GLB1L2: variants seen among roughly 807,000 people sequenced by gnomAD.
The protein encoded by GLB1L2 is beta-galactosidase-1-like protein 2.
A neutral mutation model predicts 84.1 loss-of-function variants in GLB1L2; 68 were observed. The ratio of observed to expected loss-of-function variants is 0.81; its 90% CI spans 0.67 to 0.99. The LOEUF (loss-of-function observed/expected upper bound fraction) is 0.99, where lower values mean the gene tolerates loss of function less well. Ranked by LOEUF, GLB1L2 falls within the 50% of genes least tolerant of loss-of-function variation. The probability of loss-of-function intolerance (pLI) is 0.00; values close to 1 mark genes in which losing one functional copy is unlikely to be tolerated. For synonymous variants in GLB1L2, 290 were observed against 318.0 expected (o/e 0.91, Z 0.94); for missense variants, 762 against 805.6 (o/e 0.95, Z 0.66).
intron 3 of GLB1L2, 36 bp downstream of exon 3, chr11:134,344,491 G>C (rs1297199565): frequency 6.2e-7 from 1 of 1,605,252 alleles, no homozygotes; most frequent in Non-Finnish European, 8.5e-7. Flanking sequence ...ACTGGCCAGG[G>C]GCAGGGCACA....
At position 134,338,732 on chromosome 11, in the gene GLB1L2, T is replaced by C. The variant is rs575318717; in HGVS notation, c.87-4022T>C. Among the ~76,000 whole-genome samples the C allele has an allele frequency of 6.6e-6, 1 of 152,216 alleles. No individual in the cohort carries two copies. The highest frequency in any genetic ancestry group is 2.4e-5 in the African/African-American group (1 of 41,462). On this transcript the variant is annotated intron_variant, in intron 1 of 18. Coordinates refer to ENST00000535456, the MANE Select transcript of GLB1L2 (RefSeq NM_001370461.1). The surrounding 1 kb of genome is among the most constrained non-coding windows in gnomAD (Gnocchi z 6.2). ...CAGCTTGCCCAGCCTTCAGCACGAA[T>C]AGTGCATGCCCCTTTTCCACTTGCC... is the stretch of plus-strand genomic sequence containing the variant.
chr11:134,349,010 A>G (rs1943589288), intron 5 of GLB1L2, among the ~76,000 whole-genome samples: 1 of 152,176 alleles, frequency 6.6e-6, no homozygotes, highest in Admixed American at 6.5e-5. Context: ...TTAGGATTTC[A>G]ACATGTAAAT....
chr11:134,335,212 C>T (rs975505418), intron 1 of GLB1L2, among the ~76,000 whole-genome samples: 7 of 142,868 alleles, frequency 4.9e-5, no homozygotes, highest in African/African-American at 1.9e-4. Flanking sequence ...AGGTGGCTAA[C>T]TTAGCAATGC....
intron 6 of GLB1L2, among the ~76,000 whole-genome samples, chr11:134,358,339 T>A (rs1043407698): frequency 2.0e-5 from 3 of 152,240 alleles, no homozygotes; most frequent in Non-Finnish European, 4.4e-5. Flanking sequence ...GGCGCGTCTC[T>A]ACTGTGAAGA....
rs1483220759 is a variant in GLB1L2 at position 134,373,942 on chromosome 11, G to T, written c.1595+134G>T. 5.2e-6 allele frequency: 4 copies of T among 773,094 alleles called. No individual in the cohort carries two copies. In the Admixed American group the frequency reaches 9.5e-5, roughly 18 times the overall value. 47.9% of individuals were successfully genotyped at this position (773,094 alleles called of 1,614,324 possible). A position where few individuals can be genotyped will look rare whatever the true frequency, so the allele number is the denominator to read the frequency against. On this transcript the variant is annotated intron_variant, in intron 16 of 18. Coordinates refer to ENST00000535456, the MANE Select transcript of GLB1L2 (RefSeq NM_001370461.1). ...CCTCCAGGGGCCAGATCGGCTGGCCGAGGTGAGGGGTGGCACCCGCACTAG... is the reference window on the plus strand; with the variant it reads ...CCTCCAGGGGCCAGATCGGCTGGCCTAGGTGAGGGGTGGCACCCGCACTAG...
At position 134,339,220 on chromosome 11, in the gene GLB1L2, C is replaced by T. The variant is rs762387990; in HGVS notation, c.87-3534C>T. Among the ~76,000 whole-genome samples the T allele has an allele frequency of 1.3e-5, 2 of 152,138 alleles. No homozygotes were observed. The highest frequency in any genetic ancestry group is 2.9e-5 in the Non-Finnish European group (2 of 68,032). On this transcript the variant is annotated intron_variant, in intron 1 of 18. Coordinates refer to ENST00000535456, the MANE Select transcript of GLB1L2 (RefSeq NM_001370461.1). This position sits in a 1 kb window ranked among gnomAD's most constrained non-coding sequence, Gnocchi z 5.7. The stretch of plus-strand genomic sequence containing the variant: ...AGTAAAGTCTTGCTGACCTTTAAAC[C>T]AACCAACTCCAACCACACTGTTGAT...
At chr11:134,373,903 C>T in intron 16 of GLB1L2, 95 bp downstream of exon 16, 1 of 964,188 alleles carries the variant, frequency 1.0e-6, no homozygotes, top group South Asian at 1.5e-5. Context: ...CTGGCCCGCA[C>T]CCAGGTGTGA....
At chr11:134,356,447 A>T in intron 6 of GLB1L2, 54 bp downstream of exon 6, 1 of 1,295,308 alleles carries the variant, frequency 7.7e-7, no homozygotes, top group South Asian at 1.2e-5. Context: ...AGTGTGCTAT[A>T]GGCTGTGGTG....
At chr11:134,369,524 G>A (rs1943914562) in intron 10 of GLB1L2, among the ~76,000 whole-genome samples, 1 of 151,790 alleles carries the variant, frequency 6.6e-6, no homozygotes. Flanking sequence ...CAAAGTGCTG[G>A]GATTACAGGT....
chr11:134,370,277 G>C lies in GLB1L2; in HGVS notation c.1109-16G>C, dbSNP rs1943930745. 2 of 1,610,020 alleles carry C rather than the reference G, an allele frequency of 1.2e-6. No individual in the cohort carries two copies. Among genetic ancestry groups the C allele is most frequent in the Non-Finnish European group, 1.7e-6 (2 of 1,176,334 alleles). On this transcript the variant is annotated splice_polypyrimidine_tract_variant and intron_variant, in intron 11 of 18. Transcript: ENST00000535456. The surrounding 1 kb of genome is among the most constrained non-coding windows in gnomAD (Gnocchi z 4.7). The stretch of plus-strand genomic sequence containing the variant: ...ATTTGGGTCCGTTGGGGGTGACCCT[G>C]TTTTCTGTGTTGCAGGCATCCCTCT...
Position 134,373,796 on chromosome 11 carries a change from G to C in GLB1L2, c.1583G>C (p.Ser528Thr). 3 of 1,607,880 alleles carry C rather than the reference G, an allele frequency of 1.9e-6. No homozygotes were observed. Among genetic ancestry groups the C allele is most frequent in the Non-Finnish European group, 2.6e-6 (3 of 1,174,428 alleles). The change falls in exon 16 of 19, where the codon AGC (serine) becomes ACC (threonine). Residue 528 changes from serine to threonine, a missense_variant. Physicochemically the swap from Ser to Thr is moderately conservative, Grantham distance 58. Around this residue, in one of 3 missense-constraint regions of GLB1L2, gnomAD observed 603 missense variants for 611.7 expected, o/e 0.99. Coordinates refer to ENST00000535456, the MANE Select transcript of GLB1L2 (RefSeq NM_001370461.1). Reference sequence around the variant, plus strand: ...ATCTATAGCCTGGATATGAAGAAGAGCTTCTTTCAGAGGTGGGTCCCTGCC... The same window carrying C: ...ATCTATAGCCTGGATATGAAGAAGACCTTCTTTCAGAGGTGGGTCCCTGCC... Reference protein sequence around the residue: ...FRIYSLDMKKSFFQRFGLDKW... With the variant: ...FRIYSLDMKKTFFQRFGLDKW...
intron 7 of GLB1L2, among the ~76,000 whole-genome samples, chr11:134,363,339 A>G (rs1943823853): frequency 6.6e-6 from 1 of 152,214 alleles, no homozygotes; most frequent in Admixed American, 6.5e-5. Context: ...TTCACTGGCA[A>G]TCAGAGGCTT....
rs1943944012 is a variant in GLB1L2 at position 134,370,924 on chromosome 11, C to G, written c.1216-84C>G. On this transcript the variant is annotated intron_variant, in intron 12 of 18. Coordinates refer to ENST00000535456, the MANE Select transcript of GLB1L2 (RefSeq NM_001370461.1). The surrounding 1 kb of genome is among the most constrained non-coding windows in gnomAD (Gnocchi z 4.7). Reference sequence around the variant, plus strand: ...ACACCCACCAAACCTCCGCTTCCACCCCATGTGCCAGCCCCCAGGCAGAGT... The same window carrying G: ...ACACCCACCAAACCTCCGCTTCCACGCCATGTGCCAGCCCCCAGGCAGAGT... 1.3e-6 allele frequency: 2 copies of G among 1,505,262 alleles called. No individual in the cohort carries two copies. Among genetic ancestry groups the G allele is most frequent in the African/African-American group, 1.4e-5 (1 of 72,052 alleles). 93.2% of individuals were successfully genotyped at this position (1,505,262 alleles called of 1,614,324 possible).
rs1474120228 is a variant in GLB1L2 at position 134,370,318 on chromosome 11, CCTT to C, written c.1139_1141del (p.Leu380del). ...GCATCCCTCTCCCTCCCCCACCTGA[CCTT>C]CTTCCCAAGATGCCGTATGAGCCCT... is the stretch of plus-strand genomic sequence containing the variant. On this transcript the variant is annotated inframe_deletion, in exon 12 of 19. Coordinates refer to ENST00000535456, the MANE Select transcript of GLB1L2 (RefSeq NM_001370461.1). This position sits in a 1 kb window ranked among gnomAD's most constrained non-coding sequence, Gnocchi z 4.7. 1 of 1,613,934 alleles carries C rather than the reference CCTT, an allele frequency of 6.2e-7. No homozygotes were observed. Among genetic ancestry groups the C allele is most frequent in the East Asian group, 2.2e-5 (1 of 44,834 alleles).
intron 7 of GLB1L2, chr11:134,360,681 A>G (rs1943772740): frequency 1.3e-5 from 2 of 151,986 alleles, no homozygotes; most frequent in Non-Finnish European, 2.9e-5. Context: ...TTTTAATTAA[A>G]AAAATTAAAT....
At position 134,342,882 on chromosome 11, in the gene GLB1L2, G is replaced by C. The variant is rs777206082; in HGVS notation, c.215G>C (p.Arg72Pro). The C allele has an allele frequency of 6.2e-7, 1 of 1,614,054 alleles. No individual in the cohort carries two copies. Residue 72 changes from arginine (R) to proline (P), a missense_variant, in exon 2 of 19, where the codon CGT becomes CCT. Physicochemically the swap from Arg to Pro is moderately radical, Grantham distance 103 (BLOSUM62 -2). Transcript: ENST00000535456. Reference protein sequence around the residue: ...WIFGGSIHYFRVPREYWRDRL... With the variant: ...WIFGGSIHYFPVPREYWRDRL... The stretch of plus-strand genomic sequence containing the variant: ...TTCGGGGGCTCCATCCACTATTTCC[G>C]TGTGCCCAGGGAGTACTGGAGGGAC...
intron 6 of GLB1L2, among the ~76,000 whole-genome samples, chr11:134,358,700 T>C (rs1281818843): frequency 6.6e-6 from 1 of 152,264 alleles, no homozygotes; most frequent in African/African-American, 2.4e-5. Flanking sequence ...ACCTACTCGC[T>C]GGAGCCCAGC....
chr11:134,367,130 A>G, intron 8 of GLB1L2, 127 bp from the exon 9 acceptor site: 3 of 845,362 alleles, frequency 3.5e-6, no homozygotes, highest in Middle Eastern at 3.4e-4. Flanking sequence ...AAAGACCTCT[A>G]AGGCAGTGGG....
At chr11:134,336,461 A>C (rs752249920) in intron 1 of GLB1L2, among the ~76,000 whole-genome samples, 1 of 152,192 alleles carries the variant, frequency 6.6e-6, no homozygotes, top group Non-Finnish European at 1.5e-5. Context: ...TAGACACATA[A>C]TTTATTTAAA....
Sources: gnomAD v4.1 joint callset for allele counts (sites outside exome capture counted in the v4.1 genomes callset) on GRCh38, gnomAD v4.1.1 for gene constraint, gnomAD v4.1.1 regional missense constraint, Gnocchi (gnomAD v3.1) non-coding constraint, MANE v1.5 for transcripts, NCBI Gene and HGNC (gene_info 2026-07-23, HGNC 2026-07-21) for gene names.